Variants in CFAP95 observed in about 807,000 individuals in gnomAD.
CFAP95 encodes the protein cilia and flagella associated protein 95, also known as cilia- and flagella-associated protein 95.
At chr9:69,884,393 G>A in the CFAP95 span, 2 of 152,234 alleles carry the variant, frequency 1.3e-5, no homozygotes, top group Non-Finnish European at 2.9e-5. Context: ...TTCCTGAGTA[G>A]CTGGGAGTAC....
chr9:69,856,105 AC>A, the CFAP95 span, among the ~76,000 whole-genome samples: 4 of 152,216 alleles, frequency 2.6e-5, no homozygotes, highest in African/African-American at 9.6e-5. Context: ...AGATTTTTCC[AC>A]ATCGCAATAA....
the CFAP95 span, chr9:69,858,021 G>A: frequency 2.5e-6 from 4 of 1,582,308 alleles, no homozygotes; most frequent in African/African-American, 5.4e-5. Context: ...AATGTTTCTT[G>A]ATTCAGAAGG....
At chr9:69,882,475 A>C in the CFAP95 span, among the ~76,000 whole-genome samples, 1 of 152,080 alleles carries the variant, frequency 6.6e-6, no homozygotes, top group South Asian at 2.1e-4. Flanking sequence ...TAAGATTTCC[A>C]GTACTATGTT....
the CFAP95 span, among the ~76,000 whole-genome samples, chr9:69,901,959 A>C: frequency 6.6e-6 from 1 of 152,004 alleles, no homozygotes. Flanking sequence ...GCATTTTTTC[A>C]TGTGTTTTAT....
At chr9:69,900,881 T>A in the CFAP95 span, among the ~76,000 whole-genome samples, 1 of 152,176 alleles carries the variant, frequency 6.6e-6, no homozygotes. Flanking sequence ...ATTTTTTTTT[T>A]ATGCTTTAAG....
chr9:69,831,150 A>G, the CFAP95 span, among the ~76,000 whole-genome samples: 1 of 152,176 alleles, frequency 6.6e-6, no homozygotes, highest in Non-Finnish European at 1.5e-5. Context: ...AAGCTACTAG[A>G]TCTCCAATCA....
chr9:69,878,907 G>A, the CFAP95 span, among the ~76,000 whole-genome samples: 1 of 152,250 alleles, frequency 6.6e-6, no homozygotes, highest in South Asian at 2.1e-4. Flanking sequence ...AGAAGGTGAA[G>A]GGGGAGCAGG....
chr9:69,840,317 A>T, the CFAP95 span, among the ~76,000 whole-genome samples: 1 of 152,206 alleles, frequency 6.6e-6, no homozygotes, highest in Non-Finnish European at 1.5e-5. Flanking sequence ...GATTATTTTT[A>T]TATATGTATA....
chr9:69,820,846 G>C, the CFAP95 span: 3 of 1,604,694 alleles, frequency 1.9e-6, no homozygotes, highest in Non-Finnish European at 2.6e-6. Context: ...GGTGCATAGG[G>C]AACTCCTCAG....
the CFAP95 span, among the ~76,000 whole-genome samples, chr9:69,828,832 C>T: frequency 6.6e-5 from 10 of 152,102 alleles, no homozygotes. Flanking sequence ...TTTGCTACTT[C>T]TACATTTTCC....
the CFAP95 span, among the ~76,000 whole-genome samples, chr9:69,873,585 G>C: frequency 6.6e-6 from 1 of 152,184 alleles, no homozygotes; most frequent in African/African-American, 2.4e-5. Context: ...TTTATCTTAA[G>C]TAATGAATAC....
At chr9:69,881,168 ATG>A in the CFAP95 span, among the ~76,000 whole-genome samples, 1 of 152,122 alleles carries the variant, frequency 6.6e-6, no homozygotes, top group Admixed American at 6.6e-5. Flanking sequence ...TTTTAACTTG[ATG>A]TGATCCCATT....
the CFAP95 span, among the ~76,000 whole-genome samples, chr9:69,833,462 A>G: frequency 6.6e-6 from 1 of 152,214 alleles, no homozygotes; most frequent in Non-Finnish European, 1.5e-5. Context: ...TCTGCCTCCC[A>G]AAGTGCTGGG....
chr9:69,896,899 A>T, the CFAP95 span, among the ~76,000 whole-genome samples: 29 of 152,172 alleles, frequency 1.9e-4, no homozygotes, highest in Non-Finnish European at 4.3e-4. Flanking sequence ...TGAAAAAAAA[A>T]TTTTGAAAAA....
the CFAP95 span, among the ~76,000 whole-genome samples, chr9:69,879,943 CACTGTATAT>C: frequency 6.6e-6 from 1 of 151,998 alleles, no homozygotes; most frequent in African/African-American, 2.4e-5. Flanking sequence ...TCTCACATCA[CACTGTATAT>C]ACTTTTATAT....
At chr9:69,883,250 A>G in the CFAP95 span, among the ~76,000 whole-genome samples, 1 of 152,352 alleles carries the variant, frequency 6.6e-6, no homozygotes, top group South Asian at 2.1e-4. Flanking sequence ...GCATTCTCTC[A>G]TACAGACTAA....
At chr9:69,824,989 C>T in the CFAP95 span, among the ~76,000 whole-genome samples, 4 of 152,192 alleles carry the variant, frequency 2.6e-5, no homozygotes, top group Non-Finnish European at 4.4e-5. Flanking sequence ...TCCAACCAGT[C>T]ACCAAGATTT....
At chr9:69,906,017 C>G in the CFAP95 span, 1 of 1,613,220 alleles carries the variant, frequency 6.2e-7, no homozygotes, top group Non-Finnish European at 8.5e-7. Flanking sequence ...GTTCACGGAT[C>G]TAAATGGTTC....
chr9:69,888,150 T>C, the CFAP95 span, among the ~76,000 whole-genome samples: 1 of 152,186 alleles, frequency 6.6e-6, no homozygotes, highest in Non-Finnish European at 1.5e-5. Context: ...ATTTGTTTTC[T>C]ATGAGAATTT....
Sources: allele counts gnomAD v4.1 joint callset (sites outside exome capture counted in the v4.1 genomes callset), GRCh38; gene constraint gnomAD v4.1.1; transcripts MANE v1.5; gene names NCBI Gene and HGNC (gene_info 2026-07-23, HGNC 2026-07-21).